Variants in GRID2 observed in about 807,000 individuals in gnomAD.
GRID2 encodes glutamate ionotropic receptor delta type subunit 2.
GRID2 carries 33 observed loss-of-function variants against 114.8 expected under a neutral mutation model. The ratio of observed to expected loss-of-function variants is 0.29; its 90% CI spans 0.22 to 0.38. The LOEUF is 0.38. Ranked by LOEUF, GRID2 falls within the 10% of genes least tolerant of loss-of-function variation. The pLI is 1.00. For synonymous variants in GRID2, 505 were observed against 449.9 expected (o/e 1.12, Z -1.55); for missense variants, 1,184 against 1,257.7 (o/e 0.94, Z 0.89).
At chr4:92,928,578 C>G (rs1035648152) in intron 2 of GRID2, among the ~76,000 whole-genome samples, 1 of 151,596 alleles carries the variant, frequency 6.6e-6, no homozygotes, top group Non-Finnish European at 1.5e-5. Context: ...ATTGAACTTA[C>G]ATAATTTCTC....
chr4:92,785,087 T>C (rs945002332), intron 2 of GRID2, among the ~76,000 whole-genome samples: 1 of 150,646 alleles, frequency 6.6e-6, no homozygotes, highest in African/African-American at 2.4e-5. Flanking sequence ...TTTTTTTTTT[T>C]TTTAACAACT....
intron 2 of GRID2, among the ~76,000 whole-genome samples, chr4:92,801,758 CCAAGTA>C (rs143224815): frequency 0.023 from 3,450 of 151,840 alleles, 96 homozygotes; most frequent in East Asian, 0.12. Flanking sequence ...TAAATAGATG[CCAAGTA>C]CTTTTCTGGT....
intron 2 of GRID2, among the ~76,000 whole-genome samples, chr4:92,602,505 C>G (rs1053661866): frequency 6.6e-6 from 1 of 152,126 alleles, no homozygotes; most frequent in Non-Finnish European, 1.5e-5. Context: ...ATCCAACATC[C>G]CTTCATGTTA....
At chr4:92,380,239 GA>G (rs1477700919) in intron 1 of GRID2, among the ~76,000 whole-genome samples, 1 of 151,448 alleles carries the variant, frequency 6.6e-6, no homozygotes, top group African/African-American at 2.4e-5. Flanking sequence ...ATAATTGAAA[GA>G]TTATATCTTT....
At chr4:92,893,667 A>G (rs1261374394) in intron 2 of GRID2, among the ~76,000 whole-genome samples, 1 of 152,134 alleles carries the variant, frequency 6.6e-6, no homozygotes, top group East Asian at 1.9e-4. Flanking sequence ...GAGATAATTA[A>G]TTATTTCTGT....
Position 93,217,887 on chromosome 4 carries a change from A to G in GRID2, c.963+976A>G, listed in dbSNP as rs902131154. Among the ~76,000 whole-genome samples, 7 of 152,120 alleles carry G rather than the reference A, an allele frequency of 4.6e-5. No individual in the cohort carries two copies. The South Asian group carries it at 1.2e-3, about 27-fold the overall frequency. ...AAGTAAGCAAAACCTAATATATTTTAGAAACTTGTTCTTTAAAATATTTAC... is the reference window on the plus strand; with the variant it reads ...AAGTAAGCAAAACCTAATATATTTTGGAAACTTGTTCTTTAAAATATTTAC... On this transcript the variant is annotated intron_variant, in intron 6 of 15. Transcript: ENST00000282020.
At chr4:93,273,529 G>A (rs939772491) in intron 8 of GRID2, among the ~76,000 whole-genome samples, 1 of 151,998 alleles carries the variant, frequency 6.6e-6, no homozygotes, top group Non-Finnish European at 1.5e-5. Flanking sequence ...CCTGAGGAAT[G>A]TAATGGGGAA....
intron 11 of GRID2, among the ~76,000 whole-genome samples, chr4:93,477,433 G>T (rs1240394915): frequency 2.6e-5 from 4 of 152,060 alleles, no homozygotes; most frequent in Admixed American, 2.6e-4. Context: ...ATTGTGAGAT[G>T]CAAACCTATG....
At chr4:92,477,920 A>G (rs913240981) in intron 1 of GRID2, among the ~76,000 whole-genome samples, 2 of 150,170 alleles carry the variant, frequency 1.3e-5, no homozygotes, top group African/African-American at 4.9e-5. Flanking sequence ...CATACCATAA[A>G]CTGTGTTATT....
intron 2 of GRID2, among the ~76,000 whole-genome samples, chr4:93,031,210 T>A (rs2149257862): frequency 6.6e-6 from 1 of 152,038 alleles, no homozygotes; most frequent in Admixed American, 6.5e-5. Flanking sequence ...CACGCCCAGC[T>A]AATTTTTATA....
chr4:92,677,298 AAAG>A (rs1390605980), intron 2 of GRID2, among the ~76,000 whole-genome samples: 1 of 152,206 alleles, frequency 6.6e-6, no homozygotes. Flanking sequence ...ACCACATAAA[AAAG>A]AGATTAAAAA....
intron 2 of GRID2, among the ~76,000 whole-genome samples, chr4:92,621,198 A>G (rs1379317748): frequency 6.6e-6 from 1 of 151,712 alleles, no homozygotes; most frequent in Non-Finnish European, 1.5e-5. Flanking sequence ...TCCTGATGTT[A>G]GATTAGAGCT....
At chr4:93,509,829 C>T (rs960617453) in intron 12 of GRID2, among the ~76,000 whole-genome samples, 5 of 152,130 alleles carry the variant, frequency 3.3e-5, no homozygotes, top group Non-Finnish European at 5.9e-5. Flanking sequence ...TTAGTTGTTC[C>T]TTTAAATGCT....
At chr4:93,648,677 G>T (rs1256797639) in intron 14 of GRID2, among the ~76,000 whole-genome samples, 1 of 152,172 alleles carries the variant, frequency 6.6e-6, no homozygotes, top group Non-Finnish European at 1.5e-5. Flanking sequence ...CAGAGGTTCT[G>T]GTTTCGCAGG....
At chr4:92,533,262 G>A (rs1725440515) in intron 1 of GRID2, among the ~76,000 whole-genome samples, 2 of 150,516 alleles carry the variant, frequency 1.3e-5, no homozygotes, top group African/African-American at 2.4e-5. Flanking sequence ...GCCCAAAAAG[G>A]TACAAGAAAG....
intron 2 of GRID2, among the ~76,000 whole-genome samples, chr4:92,943,763 G>T (rs867207569): frequency 6.6e-6 from 1 of 152,088 alleles, no homozygotes; most frequent in Non-Finnish European, 1.5e-5. Flanking sequence ...TTTTGGTGTG[G>T]ATGTCATTTT....
chr4:93,336,577 T>C (rs751330429), intron 8 of GRID2, among the ~76,000 whole-genome samples: 2 of 152,202 alleles, frequency 1.3e-5, no homozygotes, highest in African/African-American at 4.8e-5. Context: ...GTGTAGCTAC[T>C]GATACAGGGT....
At chr4:93,273,574 A>G (rs971573444) in intron 8 of GRID2, among the ~76,000 whole-genome samples, 1 of 152,104 alleles carries the variant, frequency 6.6e-6, no homozygotes, top group African/African-American at 2.4e-5. Flanking sequence ...ATTAAAGGCT[A>G]TAATTATCTG....
intron 13 of GRID2, among the ~76,000 whole-genome samples, chr4:93,616,082 A>G (rs1050987119): frequency 6.6e-6 from 1 of 152,182 alleles, no homozygotes; most frequent in African/African-American, 2.4e-5. Flanking sequence ...ATCTCCTTCC[A>G]TCTCTATTAA....
Sources: allele counts gnomAD v4.1 joint callset (sites outside exome capture counted in the v4.1 genomes callset), GRCh38; gene constraint gnomAD v4.1.1; transcripts MANE v1.5; gene names NCBI Gene and HGNC (gene_info 2026-07-23, HGNC 2026-07-21).